Variants in SCN8A observed in about 807,000 individuals in gnomAD.
The protein encoded by SCN8A is sodium voltage-gated channel alpha subunit 8, also known as sodium channel protein type 8 subunit alpha.
A neutral mutation model predicts 184.1 loss-of-function variants in SCN8A; 30 were observed. The observed-to-expected ratio is 0.16, with a 90% CI of 0.12 to 0.22. The LOEUF (loss-of-function observed/expected upper bound fraction) is 0.22. Among genes scored for constraint, SCN8A ranks in the 10% least tolerant of loss-of-function variants. The probability of loss-of-function intolerance (pLI) is 1.00; values close to 1 mark genes in which losing one functional copy is unlikely to be tolerated. For synonymous variants in SCN8A, 852 were observed against 907.0 expected (o/e 0.94, Z 1.09); for missense variants, 1,057 against 2,498.9 (o/e 0.42, Z 12.30).
chr12:51,659,601 T>C (rs1940888674), intron 1 of SCN8A, among the ~76,000 whole-genome samples: 1 of 152,202 alleles, frequency 6.6e-6, no homozygotes, highest in Non-Finnish European at 1.5e-5. Flanking sequence ...GAATCTGTCC[T>C]ATAACTGGTA....
intron 3 of SCN8A, among the ~76,000 whole-genome samples, chr12:51,685,119 G>A (rs750609675): frequency 6.6e-6 from 1 of 152,140 alleles, no homozygotes; most frequent in African/African-American, 2.4e-5. Context: ...TTAGCAACAT[G>A]GTTGTGAAAT....
At chr12:51,787,979 A>G (rs573662166) in intron 22 of SCN8A, among the ~76,000 whole-genome samples, 7 of 152,372 alleles carry the variant, frequency 4.6e-5, no homozygotes, top group Non-Finnish European at 8.8e-5. Context: ...CATATGCAAG[A>G]TGCTGTGCTT....
intron 25 of SCN8A, 117 bp from the exon 26 acceptor site, chr12:51,794,254 A>C: frequency 1.1e-6 from 1 of 924,340 alleles, no homozygotes; most frequent in South Asian, 1.6e-5. Flanking sequence ...AGCAGAGCTG[A>C]CCAGTATTAC....
chr12:51,640,482 G>A (rs1400472466), intron 1 of SCN8A, among the ~76,000 whole-genome samples: 3 of 151,376 alleles, frequency 2.0e-5, no homozygotes, highest in Admixed American at 1.3e-4. Flanking sequence ...TTTGATCGGG[G>A]GAATAAGAAC....
intron 2 of SCN8A, among the ~76,000 whole-genome samples, chr12:51,675,331 A>C (rs1457620832): frequency 6.6e-6 from 1 of 152,212 alleles, no homozygotes; most frequent in Non-Finnish European, 1.5e-5. Flanking sequence ...GTTGGAGAGC[A>C]TGGGGTTACA....
intron 1 of SCN8A, among the ~76,000 whole-genome samples, chr12:51,659,331 A>C (rs748778018): frequency 2.0e-5 from 3 of 152,190 alleles, no homozygotes; most frequent in Non-Finnish European, 4.4e-5. Context: ...GGCTCATGAG[A>C]GCTGTCTGGG....
At chr12:51,647,668 T>G (rs1203629864) in intron 1 of SCN8A, among the ~76,000 whole-genome samples, 2 of 152,220 alleles carry the variant, frequency 1.3e-5, no homozygotes, top group Admixed American at 1.3e-4. Flanking sequence ...TTGACAAAAT[T>G]GTTTTTATTT....
At chr12:51,730,651 A>G (rs1415595777) in intron 12 of SCN8A, among the ~76,000 whole-genome samples, 1 of 152,202 alleles carries the variant, frequency 6.6e-6, no homozygotes, top group Admixed American at 6.5e-5. Flanking sequence ...TAATGATCAC[A>G]TCATGAAAAA....
intron 20 of SCN8A, among the ~76,000 whole-genome samples, chr12:51,777,068 G>A (rs575467627): frequency 6.6e-6 from 1 of 152,190 alleles, no homozygotes; most frequent in Non-Finnish European, 1.5e-5. Context: ...TTATCCCACT[G>A]TATGTGGAGA....
chr12:51,714,985 A>G (rs1941941788), intron 11 of SCN8A, among the ~76,000 whole-genome samples: 1 of 152,218 alleles, frequency 6.6e-6, no homozygotes, highest in Non-Finnish European at 1.5e-5. Context: ...TAATAGAGCC[A>G]TGGATCCTGA....
intron 14 of SCN8A, among the ~76,000 whole-genome samples, chr12:51,759,874 C>G (rs1942736324): frequency 6.6e-6 from 1 of 152,202 alleles, no homozygotes; most frequent in Non-Finnish European, 1.5e-5. Flanking sequence ...GTGCCAGTAC[C>G]TGGTGAAGAC....
At chr12:51,707,671 A>C (rs1414860692) in intron 11 of SCN8A, among the ~76,000 whole-genome samples, 1 of 152,234 alleles carries the variant, frequency 6.6e-6, no homozygotes, top group Non-Finnish European at 1.5e-5. Context: ...TGCATCCTTC[A>C]GTCCAACCAA....
At chr12:51,772,113 G>T (rs1227865202) in intron 19 of SCN8A, among the ~76,000 whole-genome samples, 1 of 152,192 alleles carries the variant, frequency 6.6e-6, no homozygotes, top group Non-Finnish European at 1.5e-5. Flanking sequence ...GAATAACAAA[G>T]TGGCCCGGTC....
chr12:51,782,264 G>A (rs1416938629), intron 21 of SCN8A, among the ~76,000 whole-genome samples: 1 of 152,196 alleles, frequency 6.6e-6, no homozygotes. Context: ...GCGCAATAAG[G>A]TCATTGCTAT....
At chr12:51,679,034 C>T (rs1380672229) in intron 2 of SCN8A, among the ~76,000 whole-genome samples, 1 of 151,966 alleles carries the variant, frequency 6.6e-6, no homozygotes, top group Non-Finnish European at 1.5e-5. Context: ...CGAGATCACA[C>T]CGCTGCACTC....
rs555670163 is a variant in SCN8A, at chr12:51,810,441, C to T, written c.*3012C>T. On this transcript the variant is annotated 3_prime_UTR_variant, in exon 27 of 27. Coordinates refer to ENST00000627620, the MANE Select transcript of SCN8A (RefSeq NM_001330260.2). Reference sequence around the variant, plus strand: ...CAGTGATGACGTTTTTGTGCATCTTCGCTGAGTGGGTAAGTGGCAATGCTT... The same window carrying T: ...CAGTGATGACGTTTTTGTGCATCTTTGCTGAGTGGGTAAGTGGCAATGCTT... The T allele has an allele frequency of 8.4e-5, 38 of 452,306 alleles. No individual in the cohort carries two copies. Among genetic ancestry groups the T allele is most frequent in the Admixed American group, 7.0e-4 (29 of 41,594 alleles). 28.0% of individuals were successfully genotyped at this position (452,306 alleles called of 1,614,324 possible).
intron 1 of SCN8A, among the ~76,000 whole-genome samples, chr12:51,634,590 T>A (rs1937761459): frequency 6.6e-6 from 1 of 151,292 alleles, no homozygotes; most frequent in Non-Finnish European, 1.5e-5. Flanking sequence ...GTTTTTAATT[T>A]TTATAGTTTT....
chr12:51,663,648 T>A (rs1247158202), intron 2 of SCN8A, among the ~76,000 whole-genome samples: 2 of 152,224 alleles, frequency 1.3e-5, no homozygotes, highest in Non-Finnish European at 2.9e-5. Flanking sequence ...CAGCACTGAT[T>A]CTTGCAGTAG....
chr12:51,706,587 C>G lies in SCN8A; in HGVS notation c.1507C>G (p.Leu503Val), dbSNP rs1022856027. Residue 503 changes from leucine to valine, a missense_variant, in exon 11 of 27, where the codon CTC becomes GTC. Around this residue, in one of 19 missense-constraint regions of SCN8A, gnomAD observed 322 missense variants for 390.1 expected, o/e 0.83. Coordinates refer to ENST00000627620, the MANE Select transcript of SCN8A (RefSeq NM_001330260.2). The part of the protein sequence containing the change: ...NRRKKRKQKE[L>V]SEGEEKGDPE... ...GAGAAAGAAGAGGAAGCAAAAGGAA[C>G]TCTCTGAAGGAGAGGAGAAAGGGGA... 1.2e-6 allele frequency: 2 copies of G among 1,608,612 alleles called. No individual in the cohort carries two copies. Among genetic ancestry groups the G allele is most frequent in the Admixed American group, 3.4e-5 (2 of 59,266 alleles).
Sources: allele counts gnomAD v4.1 joint callset (sites outside exome capture counted in the v4.1 genomes callset), GRCh38; gene constraint gnomAD v4.1.1; regional missense constraint gnomAD v4.1.1; transcripts MANE v1.5; gene names NCBI Gene and HGNC (gene_info 2026-07-23, HGNC 2026-07-21).